SPCS3: variants seen among roughly 807,000 people sequenced by gnomAD.
SPCS3 encodes the protein signal peptidase complex subunit 3.
Under a neutral mutation model 17.2 loss-of-function variants are expected in SPCS3, and 9 were observed. The observed-to-expected ratio is 0.52, with a 90% CI of 0.31 to 0.91. The LOEUF (loss-of-function observed/expected upper bound fraction) is 0.91, where lower values mean the gene tolerates loss of function less well. Ranked by LOEUF, SPCS3 falls within the 40% of genes least tolerant of loss-of-function variation. SPCS3 has a pLI of 0.04. For missense variants in SPCS3, 139 were observed against 217.5 expected, an observed-to-expected ratio of 0.64 and a Z score of 2.27; for synonymous variants, 87 against 89.6, an observed-to-expected ratio of 0.97 and a Z score of 0.16.
Position 176,322,227 on chromosome 4 carries a change from A to G in SPCS3, c.201A>G (p.Thr67=), listed in dbSNP as rs1731547988. ...PRERSDLGFI[T]FDITADLENI... ...AAAGAAGTGATCTGGGATTTATCAC[A>G]TTTGATATAACTGCTGATATCCTTT... The change falls in exon 2 of 5, where the codon ACA becomes ACG. Residue 67 remains threonine (T), a synonymous_variant. Transcript: ENST00000503362. The G allele has an allele frequency of 1.9e-6, 3 of 1,603,080 alleles. No individual in the cohort carries two copies. The highest frequency in any genetic ancestry group is 2.6e-6 in the Non-Finnish European group (3 of 1,170,782).
At chr4:176,320,251 C>T (rs746903557) in intron 1 of SPCS3, 32 bp downstream of exon 1, 94 of 1,496,994 alleles carry the variant, frequency 6.3e-5, no homozygotes, top group Non-Finnish European at 8.2e-5. Flanking sequence ...GTGCAGGACG[C>T]CGGGACCGGG....
rs1731646527 is a variant in SPCS3 at position 176,328,919 on chromosome 4, A to G, written c.*589A>G. On this transcript the variant is annotated 3_prime_UTR_variant, in exon 5 of 5. Coordinates refer to ENST00000503362, the MANE Select transcript of SPCS3 (RefSeq NM_021928.4). ...TTGTTTTTCTTACATGTGACTAGCAACTTTCTCCACTTAAAGACTAAATAC... is the reference window on the plus strand; with the variant it reads ...TTGTTTTTCTTACATGTGACTAGCAGCTTTCTCCACTTAAAGACTAAATAC... 3 of 152,282 alleles carry G rather than the reference A, an allele frequency of 2.0e-5. No homozygotes were observed. The highest frequency in any genetic ancestry group is 2.0e-4 in the Admixed American group (3 of 15,296). The allele number at this position is 152,282 out of a possible 1,614,324, so 9.4% of individuals were successfully genotyped here.
intron 1 of SPCS3, 145 bp from the exon 2 acceptor site, chr4:176,322,025 T>G (rs1250168500): frequency 2.0e-6 from 1 of 511,154 alleles, no homozygotes; most frequent in Non-Finnish European, 3.5e-6. Flanking sequence ...GTTTTCACAC[T>G]TACAGGTTTC....
At chr4:176,325,933 T>C (rs1356983023) in intron 3 of SPCS3, among the ~76,000 whole-genome samples, 2 of 152,260 alleles carry the variant, frequency 1.3e-5, no homozygotes, top group East Asian at 3.9e-4. Flanking sequence ...CTAATAGTTT[T>C]AATAGGTTTT....
At chr4:176,323,652 A>G (rs531965866) in intron 2 of SPCS3, among the ~76,000 whole-genome samples, 5 of 152,182 alleles carry the variant, frequency 3.3e-5, no homozygotes, top group Non-Finnish European at 7.4e-5. Context: ...ATTGAGCCAC[A>G]TTGGTGTCAT....
At chr4:176,324,923 G>T (rs1560837860) in intron 3 of SPCS3, among the ~76,000 whole-genome samples, 2 of 151,962 alleles carry the variant, frequency 1.3e-5, no homozygotes, top group East Asian at 1.9e-4. Context: ...TGATAACTTG[G>T]CTGAGACACT....
chr4:176,320,329 C>A, intron 1 of SPCS3, 110 bp downstream of exon 1: 2 of 1,059,872 alleles, frequency 1.9e-6, no homozygotes, highest in Non-Finnish European at 2.4e-6. Flanking sequence ...GCAGGGCGTC[C>A]GGATCGCCCT....
chr4:176,323,998 A>G (rs1437257562), intron 2 of SPCS3, among the ~76,000 whole-genome samples, 183 bp from the exon 3 acceptor site: 1 of 152,028 alleles, frequency 6.6e-6, no homozygotes, highest in Non-Finnish European at 1.5e-5. Flanking sequence ...TTTTGGAATA[A>G]GCTGGATTTC....
chr4:176,320,140 C>T lies in SPCS3; in HGVS notation c.64C>T (p.Leu22Phe). The change falls in exon 1 of 5, where the codon CTC (leucine) becomes TTC (phenylalanine). Residue 22 changes from leucine to phenylalanine, a missense_variant. By Grantham distance (22) the Leu-to-Phe change is conservative. Transcript: ENST00000503362. Reference protein sequence around the residue: ...FAFSLSVMAALTFGCFITTAF... With the variant: ...FAFSLSVMAAFTFGCFITTAF... The stretch of plus-strand genomic sequence containing the variant: ...CTTCTCGCTGAGCGTGATGGCGGCG[C>T]TCACCTTCGGCTGCTTCATCACCAC... 1 of 1,583,688 alleles carries T rather than the reference C, an allele frequency of 6.3e-7. No individual in the cohort carries two copies. Among genetic ancestry groups the T allele is most frequent in the Non-Finnish European group, 8.6e-7 (1 of 1,166,064 alleles).
intron 3 of SPCS3, among the ~76,000 whole-genome samples, chr4:176,324,688 T>C (rs1296164793): frequency 6.6e-6 from 1 of 152,246 alleles, no homozygotes; most frequent in African/African-American, 2.4e-5. Context: ...TTGCAGTATA[T>C]GCAATACATA....
Position 176,329,313 on chromosome 4 carries a change from T to A in SPCS3, c.*983T>A, listed in dbSNP as rs1398563447. On this transcript the variant is annotated 3_prime_UTR_variant, in exon 5 of 5. Coordinates refer to ENST00000503362, the MANE Select transcript of SPCS3 (RefSeq NM_021928.4). ...TGTTAGCTCTTTGCAGATAAGAAAC[T>A]GAAACCCAGAAGTTTATTGAATTGC... 6.6e-6 allele frequency: 1 copy of A among 152,148 alleles called. No homozygotes were observed. The highest frequency in any genetic ancestry group is 2.4e-5 in the African/African-American group (1 of 41,448). 9.4% of individuals were successfully genotyped at this position (152,148 alleles called of 1,614,324 possible).
intron 2 of SPCS3, among the ~76,000 whole-genome samples, chr4:176,323,120 A>G (rs764937412): frequency 1.3e-5 from 2 of 152,156 alleles, no homozygotes; most frequent in Non-Finnish European, 2.9e-5. Context: ...TGGATTTAGA[A>G]ATAGGCTAAG....
chr4:176,324,066 G>C (rs1162186985), intron 2 of SPCS3, 115 bp from the exon 3 acceptor site: 1 of 497,050 alleles, frequency 2.0e-6, no homozygotes, highest in Non-Finnish European at 3.1e-6. Context: ...ATGTTTCTGG[G>C]CCGCCTCTTT....
chr4:176,320,022 C>T lies in SPCS3; in HGVS notation c.-55C>T, dbSNP rs1731512627. The T allele has an allele frequency of 1.4e-6, 2 of 1,441,170 alleles. No homozygotes were observed. The highest frequency in any genetic ancestry group is 2.4e-5 in the Admixed American group (1 of 42,302). 89.3% of individuals were successfully genotyped at this position (1,441,170 alleles called of 1,614,324 possible). On this transcript the variant is annotated 5_prime_UTR_variant, in exon 1 of 5. Transcript: ENST00000503362. ...GGATCGCAGGGAGCCGGTCCGCCGCCGGAACGGGAGCCTGGGTGTGCGTGT... is the reference window on the plus strand; with the variant it reads ...GGATCGCAGGGAGCCGGTCCGCCGCTGGAACGGGAGCCTGGGTGTGCGTGT...
At chr4:176,322,688 G>A (rs1331164476) in intron 2 of SPCS3, among the ~76,000 whole-genome samples, 1 of 152,080 alleles carries the variant, frequency 6.6e-6, no homozygotes, top group Non-Finnish European at 1.5e-5. Flanking sequence ...ATTTGAAAAG[G>A]TCATATCAAA....
intron 2 of SPCS3, among the ~76,000 whole-genome samples, chr4:176,322,820 C>T (rs1479767666): frequency 6.6e-6 from 1 of 151,992 alleles, no homozygotes; most frequent in Admixed American, 6.5e-5. Context: ...AATATTTTCT[C>T]TTGAGATTGA....
chr4:176,327,354 A>C, intron 4 of SPCS3, 77 bp downstream of exon 4: 1 of 905,152 alleles, frequency 1.1e-6, no homozygotes, highest in Non-Finnish European at 1.6e-6. Flanking sequence ...ATTTTAAAGA[A>C]AAATACTTGA....
rs2278903 is a variant in SPCS3, at chr4:176,328,382, A to C, written c.*52A>C. 14 of 1,400,856 alleles carry C rather than the reference A, an allele frequency of 1.0e-5. No individual in the cohort carries two copies. Among genetic ancestry groups the C allele is most frequent in the African/African-American group, 1.5e-5 (1 of 66,752 alleles). The allele number at this position is 1,400,856 out of a possible 1,614,324, so 86.8% of individuals were successfully genotyped here. A position where few individuals can be genotyped will look rare whatever the true frequency, so the allele number is the denominator to read the frequency against. On this transcript the variant is annotated 3_prime_UTR_variant, in exon 5 of 5. Transcript: ENST00000503362. ...TTTTATACTTAATGAATTGTATCTC[A>C]TTAATCTCTTCCCTTACATCTTCAT... is the stretch of plus-strand genomic sequence containing the variant.
chr4:176,324,529 A>G (rs1021360711), intron 3 of SPCS3, among the ~76,000 whole-genome samples: 10 of 152,228 alleles, frequency 6.6e-5, no homozygotes, highest in African/African-American at 2.4e-4. Flanking sequence ...ACAGACGTTA[A>G]TGTTCATATT....
Sources: gnomAD v4.1 joint callset for allele counts (sites outside exome capture counted in the v4.1 genomes callset) on GRCh38, gnomAD v4.1.1 for gene constraint, MANE v1.5 for transcripts, NCBI Gene and HGNC (gene_info 2026-07-23, HGNC 2026-07-21) for gene names.